METTL21C: variants seen among roughly 807,000 people sequenced by gnomAD.
METTL21C encodes the protein methyltransferase 21C, AARS1 lysine.
METTL21C carries 21 observed loss-of-function variants against 25.9 expected under a neutral mutation model. The ratio of observed to expected loss-of-function variants is 0.81; its 90% confidence interval spans 0.58 to 1.17. The LOEUF (loss-of-function observed/expected upper bound fraction) is 1.17. Among genes scored for constraint, METTL21C ranks in the 50% most tolerant of loss-of-function variants. The probability of loss-of-function intolerance (pLI) is 0.00; values close to 1 mark genes in which losing one functional copy is unlikely to be tolerated. For synonymous variants in METTL21C, 125 were observed against 124.7 expected, an observed-to-expected ratio of 1.00 and a Z score of -0.01; for missense variants, 312 against 315.1, an observed-to-expected ratio of 0.99 and a Z score of 0.07.
At chr13:102,703,934 G>A in the METTL21C span, among the ~76,000 whole-genome samples, 1 of 152,160 alleles carries the variant, frequency 6.6e-6, no homozygotes, top group Non-Finnish European at 1.5e-5. Flanking sequence ...CTTCATTATA[G>A]ATTAACTTTC....
At chr13:102,704,073 C>A in the METTL21C span, among the ~76,000 whole-genome samples, 5 of 152,114 alleles carry the variant, frequency 3.3e-5, no homozygotes, top group African/African-American at 1.2e-4. Flanking sequence ...TTTAAATTGC[C>A]GTAACTCATA....
At chr13:102,697,209 G>A (rs544380676), upstream of METTL21C, among the ~76,000 whole-genome samples, 36 of 152,246 alleles carry the variant, frequency 2.4e-4, no homozygotes, top group African/African-American at 7.9e-4. Context: ...GCTGTCACTC[G>A]CCTCTCTCTG....
intron 1 of METTL21C, 137 bp from the exon 2 acceptor site, chr13:102,691,101 C>T (rs563929636): frequency 5.3e-5 from 52 of 977,040 alleles, no homozygotes; most frequent in Admixed American, 1.8e-4. Flanking sequence ...TCAAGGAGAA[C>T]GGCTGCAAAT....
At chr13:102,690,753 T>C in intron 2 of METTL21C, 60 bp downstream of exon 2, 1 of 1,580,166 alleles carries the variant, frequency 6.3e-7, no homozygotes, top group Admixed American at 1.8e-5. Flanking sequence ...AAGGCAACTC[T>C]GAAGTACGGA....
At chr13:102,692,634 C>A (rs1885860908) in intron 1 of METTL21C, among the ~76,000 whole-genome samples, 1 of 152,128 alleles carries the variant, frequency 6.6e-6, no homozygotes, top group Admixed American at 6.5e-5. Flanking sequence ...TTCAGTTCTT[C>A]AGAGTGTTGT....
chr13:102,691,971 T>A (rs981688195), intron 1 of METTL21C, among the ~76,000 whole-genome samples: 1 of 151,932 alleles, frequency 6.6e-6, no homozygotes, highest in Admixed American at 6.6e-5. Context: ...TGAGTCAAAG[T>A]GTGTGGAAGA....
chr13:102,698,036 A>G (rs1017606132), upstream of METTL21C, among the ~76,000 whole-genome samples: 3 of 152,246 alleles, frequency 2.0e-5, no homozygotes, highest in African/African-American at 7.2e-5. Flanking sequence ...AGGCCAGGAC[A>G]GTATCTGCTA....
At position 102,694,400 on chromosome 13, in the gene METTL21C, C is replaced by A. The variant is rs1270222353; in HGVS notation, c.99G>T (p.Pro33=). ...GGACTCCCCCGGTGCTGTCTTTCTG[C>A]GGAGCCCCCTTCTTCTCAGCCTCTA... ...GWLEAEKKGA[P]QKDSTGGVLE... Residue 33 remains proline (P), a synonymous_variant, in exon 1 of 4, where the codon CCG becomes CCT. Coordinates refer to ENST00000267273, the MANE Select transcript of METTL21C (RefSeq NM_001010977.3). The A allele has an allele frequency of 1.3e-6, 2 of 1,502,982 alleles. No homozygotes were observed. The highest frequency in any genetic ancestry group is 2.0e-5 in the Admixed American group (1 of 49,458). The allele number at this position is 1,502,982 out of a possible 1,614,324, so 93.1% of individuals were successfully genotyped here.
the METTL21C span, among the ~76,000 whole-genome samples, chr13:102,703,644 T>C: frequency 2.6e-5 from 4 of 152,172 alleles, no homozygotes; most frequent in African/African-American, 2.4e-5. Flanking sequence ...ATCATCAGGG[T>C]TGGTGGAGGA....
At position 102,694,455 on chromosome 13, in the gene METTL21C, C is replaced by G; in HGVS notation, c.44G>C (p.Gly15Ala). The change falls in exon 1 of 4, where the codon GGG becomes GCG. Residue 15 changes from glycine to alanine, a missense_variant. Physicochemically the swap from Gly to Ala is moderately conservative, Grantham distance 60. Transcript: ENST00000267273. ...GCCACCCGGGGAGCTGAGTCCTTCC[C>G]CCCGGCGCCCAGGCTGCTGCGCGGA... is the stretch of plus-strand genomic sequence containing the variant. ...LSSAQQPGRR[G>A]EGLSSPGGWL... The G allele has an allele frequency of 2.1e-6, 3 of 1,461,080 alleles. No homozygotes were observed. Among genetic ancestry groups the G allele is most frequent in the South Asian group, 1.2e-5 (1 of 86,240 alleles). The allele number at this position is 1,461,080 out of a possible 1,614,324, so 90.5% of individuals were successfully genotyped here.
chr13:102,700,705 T>A, the METTL21C span, among the ~76,000 whole-genome samples: 2 of 152,202 alleles, frequency 1.3e-5, no homozygotes, highest in Non-Finnish European at 2.9e-5. Context: ...AATCCTCAGA[T>A]AAATGAAGTG....
upstream of METTL21C, among the ~76,000 whole-genome samples, chr13:102,698,146 G>A (rs1390351562): frequency 1.3e-5 from 2 of 152,140 alleles, no homozygotes; most frequent in African/African-American, 4.8e-5. Flanking sequence ...TGCTCAGAGG[G>A]TCCTCGATAA....
the METTL21C span, among the ~76,000 whole-genome samples, chr13:102,703,160 T>C: frequency 0.024 from 3,637 of 152,322 alleles, 67 homozygotes; most frequent in Non-Finnish European, 0.037. Context: ...CCTTTCTTTC[T>C]ATAGCTGATG....
chr13:102,688,562 A>G (rs1182195476), intron 2 of METTL21C, among the ~76,000 whole-genome samples: 2 of 152,226 alleles, frequency 1.3e-5, no homozygotes, highest in Non-Finnish European at 2.9e-5. Context: ...GGTGTGACAT[A>G]AATAGCACCA....
intron 1 of METTL21C, among the ~76,000 whole-genome samples, chr13:102,692,773 C>T (rs931481299): frequency 6.6e-6 from 1 of 152,138 alleles, no homozygotes; most frequent in African/African-American, 2.4e-5. Context: ...ATAAAGGTAA[C>T]CAATTCAGTC....
Position 102,685,884 on chromosome 13 carries a change from T to A in METTL21C, c.*147A>T, listed in dbSNP as rs1885652602. On this transcript the variant is annotated 3_prime_UTR_variant, in exon 4 of 4. Coordinates refer to ENST00000267273, the MANE Select transcript of METTL21C (RefSeq NM_001010977.3). ...AAATTATCTTAGAAATTAGAAAGTTTCTGCAGTATTGTTACATTTGTTCCA... is the reference window on the plus strand; with the variant it reads ...AAATTATCTTAGAAATTAGAAAGTTACTGCAGTATTGTTACATTTGTTCCA... 4.6e-6 allele frequency: 3 copies of A among 645,490 alleles called. No individual in the cohort carries two copies. In the Admixed American group the frequency reaches 1.1e-4, roughly 24 times the overall value. 40.0% of individuals were successfully genotyped at this position (645,490 alleles called of 1,614,324 possible). A position where few individuals can be genotyped will look rare whatever the true frequency, so the allele number is the denominator to read the frequency against.
chr13:102,691,017 A>G (rs1468523835), intron 1 of METTL21C, 53 bp from the exon 2 acceptor site: 13 of 1,585,764 alleles, frequency 8.2e-6, no homozygotes, highest in African/African-American at 6.7e-5. Context: ...ATCCAGTGCA[A>G]AGACACACTT....
At chr13:102,692,499 T>C (rs1356811798) in intron 1 of METTL21C, among the ~76,000 whole-genome samples, 1 of 152,236 alleles carries the variant, frequency 6.6e-6, no homozygotes, top group Non-Finnish European at 1.5e-5. Context: ...TATGTCTGTA[T>C]ATATTTTCAT....
chr13:102,688,050 T>C (rs1034943271), intron 2 of METTL21C, among the ~76,000 whole-genome samples: 1 of 152,292 alleles, frequency 6.6e-6, no homozygotes, highest in South Asian at 2.1e-4. Context: ...TGAGTATAAA[T>C]AGCCCAGCGT....
Sources: allele counts gnomAD v4.1 joint callset (sites outside exome capture counted in the v4.1 genomes callset), GRCh38; gene constraint gnomAD v4.1.1; transcripts MANE v1.5; gene names NCBI Gene and HGNC (gene_info 2026-07-23, HGNC 2026-07-21).